TNKS2: variants seen among roughly 807,000 people sequenced by gnomAD.
The protein encoded by TNKS2 is poly [ADP-ribose] polymerase tankyrase-2.
A neutral mutation model predicts 137.6 loss-of-function variants in TNKS2; 72 were observed. The ratio of observed to expected loss-of-function variants is 0.52; its 90% confidence interval spans 0.43 to 0.64. TNKS2 has a LOEUF of 0.64. Among genes scored for constraint, TNKS2 ranks in the 30% least tolerant of loss-of-function variants. The probability of loss-of-function intolerance (pLI) is 0.00; values close to 1 mark genes in which losing one functional copy is unlikely to be tolerated. For synonymous variants in TNKS2, 516 were observed against 512.1 expected (o/e 1.01, Z -0.10); for missense variants, 1,049 against 1,410.2 (o/e 0.74, Z 4.10).
rs1444097091 is a variant in TNKS2 at position 91,849,532 on chromosome 10, A to C, written c.2632A>C (p.Ile878Leu). The C allele has an allele frequency of 6.2e-7, 1 of 1,611,774 alleles. No homozygotes were observed. Among genetic ancestry groups the C allele is most frequent in the Non-Finnish European group, 8.5e-7 (1 of 1,179,308 alleles). ...CCCAGTTCCAGGAGTAGATTTTAGC[A>C]TAACTCAATTCGTAAGGAATCTTGG... Reference protein sequence around the residue: ...KKEVPGVDFSITQFVRNLGLE... With the variant: ...KKEVPGVDFSLTQFVRNLGLE... The change falls in exon 20 of 27, where the codon ATA becomes CTA. Residue 878 changes from isoleucine to leucine, a missense_variant. Around this residue, in one of 6 missense-constraint regions of TNKS2, gnomAD observed 208 missense variants for 231.2 expected, o/e 0.90. Transcript: ENST00000371627.
At chr10:91,849,835 A>G (rs796373486) in intron 20 of TNKS2, among the ~76,000 whole-genome samples, 1 of 152,170 alleles carries the variant, frequency 6.6e-6, no homozygotes, top group African/African-American at 2.4e-5. Context: ...TAGCTTATTC[A>G]GTTCTTGAAG....
intron 11 of TNKS2, among the ~76,000 whole-genome samples, chr10:91,831,955 G>A (rs990673988): frequency 1.3e-5 from 2 of 152,074 alleles, no homozygotes; most frequent in African/African-American, 2.4e-5. Flanking sequence ...AGGAATAGAC[G>A]CTCTTCTCCT....
At chr10:91,822,437 G>T (rs981254385) in intron 7 of TNKS2, 75 bp downstream of exon 7, 13 of 1,236,920 alleles carry the variant, frequency 1.1e-5, no homozygotes, top group Non-Finnish European at 1.5e-5. Flanking sequence ...GTATGTCTGG[G>T]TTTCTTTTTA....
intron 13 of TNKS2, among the ~76,000 whole-genome samples, chr10:91,837,540 T>C (rs1393560522): frequency 6.6e-6 from 1 of 152,220 alleles, no homozygotes; most frequent in Non-Finnish European, 1.5e-5. Flanking sequence ...CCCTTCTTAC[T>C]GTTTTGACTC....
At chr10:91,813,356 G>A (rs1184631597) in intron 2 of TNKS2, 149 bp downstream of exon 2, 3 of 767,562 alleles carry the variant, frequency 3.9e-6, no homozygotes, top group Admixed American at 2.8e-5. Context: ...TATTTACTGA[G>A]TGTCTTTTTG....
intron 12 of TNKS2, among the ~76,000 whole-genome samples, chr10:91,835,332 C>T (rs572754760): frequency 1.3e-5 from 2 of 149,210 alleles, no homozygotes; most frequent in East Asian, 2.0e-4. Flanking sequence ...CACTGTCGCC[C>T]GGGCTGGAGT....
chr10:91,834,306 G>C (rs957741470), intron 12 of TNKS2, among the ~76,000 whole-genome samples: 2 of 152,060 alleles, frequency 1.3e-5, no homozygotes, highest in African/African-American at 2.4e-5. Context: ...AAGATAAAAT[G>C]GTTGCTATTT....
chr10:91,839,103 G>A (rs185174873), intron 13 of TNKS2, among the ~76,000 whole-genome samples: 24 of 152,264 alleles, frequency 1.6e-4, no homozygotes, highest in Admixed American at 1.6e-3. Context: ...CTGACCTCAG[G>A]TGATCCACCC....
At chr10:91,854,522 G>A (rs555830473) in intron 21 of TNKS2, among the ~76,000 whole-genome samples, 1 of 152,158 alleles carries the variant, frequency 6.6e-6, no homozygotes, top group Non-Finnish European at 1.5e-5. Context: ...GGTAACATTA[G>A]GGGAAAGTGG....
At chr10:91,849,991 C>T (rs1051985246) in intron 20 of TNKS2, among the ~76,000 whole-genome samples, 9 of 152,176 alleles carry the variant, frequency 5.9e-5, no homozygotes, top group African/African-American at 1.7e-4. Flanking sequence ...AATACATTTA[C>T]TGATTTTTGT....
chr10:91,834,208 T>G (rs575604842), intron 12 of TNKS2, among the ~76,000 whole-genome samples, 184 bp downstream of exon 12: 2 of 152,340 alleles, frequency 1.3e-5, no homozygotes, highest in Non-Finnish European at 2.9e-5. Flanking sequence ...AAGTGATAAT[T>G]ATGATTTTTG....
At chr10:91,834,102 G>A in intron 12 of TNKS2, 78 bp downstream of exon 12, 1 of 1,218,772 alleles carries the variant, frequency 8.2e-7, no homozygotes, top group Non-Finnish European at 1.1e-6. Context: ...TTATAGGTAG[G>A]AGTTGGTAAT....
In TNKS2 at chr10:91,822,300, C is replaced by T; in HGVS notation, c.733C>T (p.Leu245=). Residue 245 remains leucine (L), a synonymous_variant, in exon 7 of 27, where the codon CTG becomes TTG. Coordinates refer to ENST00000371627, the MANE Select transcript of TNKS2 (RefSeq NM_025235.4). Reference sequence around the variant, plus strand: ...TTCCCCCCCTTCTCATTGTAGTGATCTGGTACCATTACACAATGCCTGTTC... The same window carrying T: ...TTCCCCCCCTTCTCATTGTAGTGATTTGGTACCATTACACAATGCCTGTTC... ...ADVHAKDKGD[L]VPLHNACSYG... is the part of the protein sequence containing the mutation. 1 of 1,612,730 alleles carries T rather than the reference C, an allele frequency of 6.2e-7. No homozygotes were observed. Among genetic ancestry groups the T allele is most frequent in the Non-Finnish European group, 8.5e-7 (1 of 1,179,206 alleles).
At chr10:91,846,206 CGTTA>C (rs1326116144) in intron 18 of TNKS2, among the ~76,000 whole-genome samples, 1 of 152,166 alleles carries the variant, frequency 6.6e-6, no homozygotes, top group East Asian at 1.9e-4. Flanking sequence ...TAACTGCTTA[CGTTA>C]GTTAGGAAAC....
At chr10:91,810,764 T>G (rs1045741357) in intron 1 of TNKS2, among the ~76,000 whole-genome samples, 2 of 151,452 alleles carry the variant, frequency 1.3e-5, no homozygotes, top group Middle Eastern at 6.8e-3. Flanking sequence ...CGCCTCGGCC[T>G]CCCAAAGTGC....
At chr10:91,855,825 G>A (rs1589694977) in intron 23 of TNKS2, 137 bp downstream of exon 23, 1 of 562,294 alleles carries the variant, frequency 1.8e-6, no homozygotes, top group Middle Eastern at 4.6e-4. Context: ...TTGGGAAAGA[G>A]GATACCCTTG....
intron 2 of TNKS2, among the ~76,000 whole-genome samples, chr10:91,814,994 T>C (rs1239878401): frequency 6.6e-6 from 1 of 152,190 alleles, no homozygotes; most frequent in Non-Finnish European, 1.5e-5. Flanking sequence ...TACTGAATTA[T>C]AGGGTTATAG....
intron 23 of TNKS2, among the ~76,000 whole-genome samples, chr10:91,856,506 A>G (rs1012119647): frequency 6.6e-6 from 1 of 152,226 alleles, no homozygotes; most frequent in Non-Finnish European, 1.5e-5. Context: ...AGTCAAGTCC[A>G]CTTTGTCTAC....
At position 91,855,698 on chromosome 10, in the gene TNKS2, T is replaced by C. The variant is rs761861383; in HGVS notation, c.2988+10T>C. On this transcript the variant is annotated intron_variant, in intron 23 of 26. Transcript: ENST00000371627. ...ATACAATATTCTCAAGGTAATAAAT[T>C]AGTGAAAGTAAAGTTTTCTGAGACT... 10 of 1,600,838 alleles carry C rather than the reference T, an allele frequency of 6.2e-6. No individual in the cohort carries two copies. Among genetic ancestry groups the C allele is most frequent in the African/African-American group, 1.3e-5 (1 of 74,248 alleles).
Sources: allele counts gnomAD v4.1 joint callset (sites outside exome capture counted in the v4.1 genomes callset), GRCh38; gene constraint gnomAD v4.1.1; regional missense constraint gnomAD v4.1.1; transcripts MANE v1.5; gene names NCBI Gene and HGNC (gene_info 2026-07-23, HGNC 2026-07-21).